Variants in WDFY3 observed in about 807,000 individuals in gnomAD.
WDFY3 encodes the protein WD repeat and FYVE domain-containing protein 3.
WDFY3 carries 66 observed loss-of-function variants against 409.6 expected under a neutral mutation model. The ratio of observed to expected loss-of-function variants is 0.16; its 90% confidence interval spans 0.13 to 0.20. The LOEUF (loss-of-function observed/expected upper bound fraction) is 0.20. Among genes scored for constraint, WDFY3 ranks in the 10% least tolerant of loss-of-function variants. The pLI is 1.00. For synonymous variants in WDFY3, 1,521 were observed against 1,537.1 expected, an observed-to-expected ratio of 0.99 and a Z score of 0.25; for missense variants, 3,031 against 4,298.1, an observed-to-expected ratio of 0.71 and a Z score of 8.24.
rs540176088 is a variant in WDFY3 at position 84,727,383 on chromosome 4, A to G, written c.7222-472T>C. 1.1e-3 allele frequency among the ~76,000 whole-genome samples: 168 copies of G among 152,262 alleles called. 2 individuals are homozygous for G. The highest frequency in any genetic ancestry group is 3.8e-3 in the African/African-American group (157 of 41,556). On this transcript the variant is annotated intron_variant, in intron 44 of 67. Coordinates refer to ENST00000295888, the MANE Select transcript of WDFY3 (RefSeq NM_014991.6). ...CGGCTGATTTAAGCTATCATTTACA[A>G]TACTCCATACCACAGACATCATTCT...
At chr4:84,779,975 T>A (rs1220265935) in intron 26 of WDFY3, 133 bp downstream of exon 26, 2 of 1,030,658 alleles carry the variant, frequency 1.9e-6, no homozygotes, top group Admixed American at 2.7e-5. Flanking sequence ...TTAGTTTTCA[T>A]AAAACTACTG....
chr4:84,870,487 T>C (rs1761995138), intron 3 of WDFY3, among the ~76,000 whole-genome samples: 3 of 152,042 alleles, frequency 2.0e-5, no homozygotes, highest in Non-Finnish European at 2.9e-5. Context: ...GAGGGAGAAA[T>C]GCCGGGACCA....
intron 50 of WDFY3, among the ~76,000 whole-genome samples, chr4:84,713,508 T>A (rs1373896737): frequency 6.6e-6 from 1 of 152,208 alleles, no homozygotes; most frequent in Non-Finnish European, 1.5e-5. Context: ...TCTTCCCATA[T>A]GTGAAAGGAG....
At position 84,787,564 on chromosome 4, in the gene WDFY3, T is replaced by G; in HGVS notation, c.3819A>C (p.Glu1273Asp). The G allele has an allele frequency of 6.2e-7, 1 of 1,614,194 alleles. No individual in the cohort carries two copies. The highest frequency in any genetic ancestry group is 8.5e-7 in the Non-Finnish European group (1 of 1,180,026). ...TAGTAACATTTGAAGAAGGTAAAAC[T>G]TCTTCTAGAAAATGTGTGGGTCCCA... ...WRLGPTHFLE[E>D]VLPSSNVTTI... Residue 1273 changes from glutamate to aspartate, a missense_variant, in exon 23 of 68, where the codon GAA becomes GAC. Physicochemically the swap from Glu to Asp is conservative, Grantham distance 45 (BLOSUM62 2). Coordinates refer to ENST00000295888, the MANE Select transcript of WDFY3 (RefSeq NM_014991.6).
chr4:84,802,243 G>A (rs896609044), intron 16 of WDFY3, among the ~76,000 whole-genome samples: 9 of 151,280 alleles, frequency 5.9e-5, no homozygotes, highest in Admixed American at 2.6e-4. Flanking sequence ...CACCGCACCC[G>A]GCAGAAGCAT....
chr4:84,684,755 T>C (rs1445960585), intron 62 of WDFY3, among the ~76,000 whole-genome samples: 1 of 152,244 alleles, frequency 6.6e-6, no homozygotes, highest in Non-Finnish European at 1.5e-5. Context: ...CTCCCTGAGC[T>C]GATAACTTAT....
intron 12 of WDFY3, among the ~76,000 whole-genome samples, chr4:84,818,155 A>G (rs1753576879): frequency 6.6e-6 from 1 of 152,100 alleles, no homozygotes; most frequent in Non-Finnish European, 1.5e-5. Context: ...CTCATCCCCT[A>G]CCATATAGAG....
chr4:84,682,296 G>A, intron 64 of WDFY3, 78 bp downstream of exon 64: 6 of 1,370,852 alleles, frequency 4.4e-6, no homozygotes, highest in Non-Finnish European at 6.1e-6. Flanking sequence ...TCTTTATGTT[G>A]TTTGGTATAA....
rs998740001 is a variant in WDFY3 at position 84,809,739 on chromosome 4, A to G, written c.2345+148T>C. The G allele has an allele frequency of 5.7e-6, 4 of 700,588 alleles. No individual in the cohort carries two copies. In the African/African-American group the frequency reaches 7.4e-5, roughly 13 times the overall value. The allele number at this position is 700,588 out of a possible 1,614,324, so 43.4% of individuals were successfully genotyped here. On this transcript the variant is annotated intron_variant, in intron 14 of 67. Coordinates refer to ENST00000295888, the MANE Select transcript of WDFY3 (RefSeq NM_014991.6). Reference sequence around the variant, plus strand: ...AAAACAATACCAGAGCAAGAGTAATATTCAAAAATAAAGTGATACACTTCA... The same window carrying G: ...AAAACAATACCAGAGCAAGAGTAATGTTCAAAAATAAAGTGATACACTTCA...
chr4:84,821,657 T>C (rs1483266299), intron 10 of WDFY3, 106 bp from the exon 11 acceptor site: 8 of 960,978 alleles, frequency 8.3e-6, no homozygotes, highest in African/African-American at 1.7e-5. Flanking sequence ...ATCAATTATT[T>C]ACTAAGAACA....
chr4:84,678,106 TG>T, intron 66 of WDFY3, 61 bp downstream of exon 66: 1 of 1,224,472 alleles, frequency 8.2e-7, no homozygotes, highest in Non-Finnish European at 1.2e-6. Context: ...CTGGAGTATG[TG>T]GCCCTTGGCT....
intron 6 of WDFY3, among the ~76,000 whole-genome samples, 195 bp downstream of exon 6, chr4:84,840,959 T>C (rs1330379342): frequency 6.6e-6 from 1 of 152,090 alleles, no homozygotes; most frequent in African/African-American, 2.4e-5. Flanking sequence ...TCCTTATGAG[T>C]AAAATGCATC....
At position 84,873,559 on chromosome 4, in the gene WDFY3, T is replaced by A. The variant is rs1287389404; in HGVS notation, c.-31-12937A>T. ...AAAAGAAGAACGATCTAAGGATTAA[T>A]AAACTACACTTCTACCTTAGGAAAC... On this transcript the variant is annotated intron_variant, in intron 3 of 67. Transcript: ENST00000295888. Among the ~76,000 whole-genome samples the A allele has an allele frequency of 3.3e-5, 5 of 152,100 alleles. No individual in the cohort carries two copies. In the East Asian group the frequency reaches 7.7e-4, roughly 24 times the overall value.
chr4:84,756,332 C>T (rs1048375898), intron 33 of WDFY3, among the ~76,000 whole-genome samples: 6 of 152,078 alleles, frequency 3.9e-5, no homozygotes, highest in African/African-American at 1.4e-4. Flanking sequence ...CGCCTGTAAT[C>T]CCAGCACTTT....
chr4:84,718,308 C>T, intron 48 of WDFY3, 114 bp downstream of exon 48: 4 of 1,107,386 alleles, frequency 3.6e-6, no homozygotes, highest in Non-Finnish European at 5.0e-6. Flanking sequence ...TGCACACAAA[C>T]CGAGAGATAA....
intron 59 of WDFY3, among the ~76,000 whole-genome samples, chr4:84,692,663 T>C (rs952436164): frequency 1.3e-5 from 2 of 152,106 alleles, no homozygotes; most frequent in African/African-American, 4.8e-5. Flanking sequence ...TGTTTGGTTC[T>C]TTCTGATATG....
At chr4:84,818,972 T>C (rs1270659182) in intron 12 of WDFY3, among the ~76,000 whole-genome samples, 2 of 152,142 alleles carry the variant, frequency 1.3e-5, no homozygotes, top group Non-Finnish European at 2.9e-5. Context: ...ATCTTCATTA[T>C]GTTTCTGATT....
chr4:84,951,355 C>T (rs1050575456), intron 1 of WDFY3, among the ~76,000 whole-genome samples: 8 of 152,218 alleles, frequency 5.3e-5, no homozygotes, highest in Non-Finnish European at 8.8e-5. Flanking sequence ...ACAGAAGTCA[C>T]AGTGGGTTGA....
At chr4:84,698,292 T>TATATATATA (rs1269608742) in intron 56 of WDFY3, among the ~76,000 whole-genome samples, 2 of 120,726 alleles carry the variant, frequency 1.7e-5, no homozygotes, top group African/African-American at 5.7e-5. Context: ...ATATATATAT[T>TATATATATA]TTTTTTTTTT....
Sources: gnomAD v4.1 joint callset for allele counts (sites outside exome capture counted in the v4.1 genomes callset) on GRCh38, gnomAD v4.1.1 for gene constraint, MANE v1.5 for transcripts, NCBI Gene and HGNC (gene_info 2026-07-23, HGNC 2026-07-21) for gene names.